The following PCDH15 variants were observed in gnomAD, a reference collection of about 807,000 sequenced individuals.
PCDH15 encodes protocadherin related 15.
In PCDH15, 129 loss-of-function variants were observed where a neutral mutation model predicts 178.5. The ratio of observed to expected loss-of-function variants is 0.72; its 90% CI spans 0.63 to 0.84. The LOEUF is 0.84. Ranked by LOEUF, PCDH15 falls within the 40% of genes least tolerant of loss-of-function variation. PCDH15 has a pLI of 0.00. For missense variants in PCDH15, 2,230 were observed against 2,099.9 expected (o/e 1.06, Z -1.21); for synonymous variants, 800 against 732.0 (o/e 1.09, Z -1.50).
chr10:54,170,058 T>G (rs1443712662), intron 13 of PCDH15, among the ~76,000 whole-genome samples: 1 of 143,148 alleles, frequency 7.0e-6, no homozygotes, highest in Non-Finnish European at 1.5e-5. Flanking sequence ...TCTCTTCGCT[T>G]TCACTTGGAC....
chr10:55,395,079 G>T (rs1837887474), intron 2 of PCDH15, among the ~76,000 whole-genome samples: 1 of 151,828 alleles, frequency 6.6e-6, no homozygotes, highest in Non-Finnish European at 1.5e-5. Context: ...TGAAAAAAAT[G>T]ATTATCAAAG....
At chr10:55,265,644 C>A (rs1009320793) in intron 1 of PCDH15, among the ~76,000 whole-genome samples, 1 of 152,118 alleles carries the variant, frequency 6.6e-6, no homozygotes, top group South Asian at 2.1e-4. Context: ...AGGGCTTGCA[C>A]AGGACTAAGA....
intron 13 of PCDH15, among the ~76,000 whole-genome samples, chr10:54,162,347 T>C (rs188092367): frequency 5.3e-5 from 8 of 152,224 alleles, no homozygotes; most frequent in African/African-American, 1.9e-4. Flanking sequence ...CTCCTATGAA[T>C]GGACAGGTAT....
intron 26 of PCDH15, among the ~76,000 whole-genome samples, chr10:53,889,286 G>A (rs965761488): frequency 2.6e-5 from 4 of 151,876 alleles, no homozygotes; most frequent in African/African-American, 7.2e-5. Context: ...CTTGGGAGAC[G>A]ATATATCCAA....
At chr10:54,609,366 T>C (rs191404469) in intron 2 of PCDH15, among the ~76,000 whole-genome samples, 1 of 152,204 alleles carries the variant, frequency 6.6e-6, no homozygotes, top group East Asian at 1.9e-4. Flanking sequence ...GTTAAAGATA[T>C]TCCACACCAA....
intron 2 of PCDH15, among the ~76,000 whole-genome samples, chr10:55,606,100 C>A (rs1397883274): frequency 3.6e-4 from 32 of 89,494 alleles, no homozygotes; most frequent in South Asian, 4.8e-4. Context: ...TATACCCCAA[C>A]AACAGACAAA....
chr10:54,697,440 C>G (rs1222242197), intron 1 of PCDH15, among the ~76,000 whole-genome samples: 1 of 151,062 alleles, frequency 6.6e-6, no homozygotes, highest in Non-Finnish European at 1.5e-5. Context: ...TTATTTAAAA[C>G]AGTTACATTA....
chr10:54,621,869 G>A (rs2093359034), intron 2 of PCDH15, among the ~76,000 whole-genome samples: 1 of 152,042 alleles, frequency 6.6e-6, no homozygotes, highest in South Asian at 2.1e-4. Context: ...CAGCGATGTT[G>A]TAAAGGGGAA....
intron 17 of PCDH15, among the ~76,000 whole-genome samples, chr10:54,071,465 C>CA (rs1027572018): frequency 1.1e-4 from 17 of 151,910 alleles, no homozygotes; most frequent in Admixed American, 7.9e-4. Context: ...TATTTAATCA[C>CA]AAAAAAATGC....
At chr10:54,424,806 C>A (rs1161301720) in intron 3 of PCDH15, among the ~76,000 whole-genome samples, 1 of 137,934 alleles carries the variant, frequency 7.2e-6, no homozygotes, top group Non-Finnish European at 1.5e-5. Flanking sequence ...GGGAATTGAA[C>A]AATGAGAACA....
chr10:54,434,985 G>GA (rs1399880547), intron 3 of PCDH15, among the ~76,000 whole-genome samples: 1 of 152,216 alleles, frequency 6.6e-6, no homozygotes, highest in African/African-American at 2.4e-5. Flanking sequence ...TAAGAGCATT[G>GA]AAACTAGGAA....
intron 3 of PCDH15, among the ~76,000 whole-genome samples, chr10:54,872,179 TAATA>T (rs1392628465): frequency 1.3e-5 from 2 of 151,940 alleles, no homozygotes; most frequent in South Asian, 4.1e-4. Flanking sequence ...TTATTATTTT[TAATA>T]AATAAGGAGA....
rs1254761823 is a variant in PCDH15 at position 55,026,118 on chromosome 10, C to A, written c.-79-128618G>T. The stretch of plus-strand genomic sequence containing the variant: ...CTAACAAGGTTTCACATTATTCTAC[C>A]ACACAATGTAAGTCATTTCAATATT... On this transcript the variant is annotated intron_variant, in intron 2 of 5. Transcript: ENST00000458638. 2.0e-5 allele frequency among the ~76,000 whole-genome samples: 3 copies of A among 151,892 alleles called. No individual in the cohort carries two copies. The East Asian group carries it at 5.8e-4, about 29-fold the overall frequency.
chr10:54,358,105 G>C (rs1253554873), intron 5 of PCDH15, among the ~76,000 whole-genome samples: 3 of 148,922 alleles, frequency 2.0e-5, no homozygotes, highest in African/African-American at 5.1e-5. Flanking sequence ...ATAGGCGTGG[G>C]CAAGGACTTC....
intron 3 of PCDH15, among the ~76,000 whole-genome samples, chr10:54,425,441 C>T (rs1278273871): frequency 1.3e-5 from 2 of 152,030 alleles, no homozygotes; most frequent in African/African-American, 4.8e-5. Flanking sequence ...AAAGATATGC[C>T]CCATCGACCT....
intron 2 of PCDH15, chr10:54,600,085 T>TAG: frequency 9.3e-7 from 1 of 1,071,002 alleles, no homozygotes; most frequent in East Asian, 2.7e-5. Flanking sequence ...TCCCAAGGAA[T>TAG]AGAAGGTAGA....
chr10:54,274,459 A>C (rs4453126), intron 8 of PCDH15, among the ~76,000 whole-genome samples: 68,863 of 151,780 alleles, frequency 0.45, 17,417 homozygotes, highest in Middle Eastern at 0.59. Context: ...TTAGAATATG[A>C]GTTCCTTCAA....
chr10:54,476,429 A>G (rs1397689637), intron 3 of PCDH15, among the ~76,000 whole-genome samples: 3 of 152,140 alleles, frequency 2.0e-5, no homozygotes, highest in Non-Finnish European at 4.4e-5. Flanking sequence ...GCTGTGATCA[A>G]TTTAGCAGGT....
intron 14 of PCDH15, among the ~76,000 whole-genome samples, chr10:54,147,512 G>A (rs1294969617): frequency 1.3e-5 from 2 of 151,780 alleles, no homozygotes; most frequent in African/African-American, 4.8e-5. Context: ...TGAGCAAAAA[G>A]AGGAATATAA....
Sources: gnomAD v4.1 joint callset for allele counts (sites outside exome capture counted in the v4.1 genomes callset) on GRCh38, gnomAD v4.1.1 for gene constraint, MANE v1.5 for transcripts, NCBI Gene and HGNC (gene_info 2026-07-23, HGNC 2026-07-21) for gene names.